Variants in CREB5 observed in about 807,000 individuals in gnomAD.
CREB5 encodes the protein cAMP responsive element binding protein 5.
In CREB5, 19 loss-of-function variants were observed where a neutral mutation model predicts 57.1. That is an observed-to-expected ratio of 0.33 (90% confidence interval 0.23 to 0.49). The LOEUF (loss-of-function observed/expected upper bound fraction) is 0.49. CREB5 is among the 20% of genes least tolerant of loss of function. The probability of loss-of-function intolerance (pLI) is 0.99; values close to 1 mark genes in which losing one functional copy is unlikely to be tolerated. For missense variants in CREB5, 579 were observed against 671.6 expected (o/e 0.86, Z 1.52); for synonymous variants, 238 against 238.3 (o/e 1.00, Z 0.01).
chr7:28,614,375 T>C (rs1797519168), intron 5 of CREB5, among the ~76,000 whole-genome samples: 2 of 152,226 alleles, frequency 1.3e-5, no homozygotes, highest in Admixed American at 1.3e-4. Context: ...TTTCAGAATG[T>C]CCTATAAATA....
At chr7:28,505,216 A>G (rs1792432871) in intron 3 of CREB5, among the ~76,000 whole-genome samples, 1 of 152,128 alleles carries the variant, frequency 6.6e-6, no homozygotes, top group African/African-American at 2.4e-5. Context: ...ACACACACAC[A>G]CATGCACACA....
chr7:28,724,551 A>G (rs1803232153), intron 7 of CREB5: 3 of 513,286 alleles, frequency 5.8e-6, no homozygotes, highest in Non-Finnish European at 7.0e-6. Context: ...AGTGGTATTA[A>G]TGAAAGGAAC....
intron 7 of CREB5, among the ~76,000 whole-genome samples, chr7:28,788,284 C>T (rs974676803): frequency 6.6e-6 from 1 of 152,114 alleles, no homozygotes; most frequent in Non-Finnish European, 1.5e-5. Flanking sequence ...AAAAGTGTCT[C>T]CAGATGTTGC....
chr7:28,775,118 A>G lies in CREB5; in HGVS notation c.703-29081A>G, dbSNP rs536799131. On this transcript the variant is annotated intron_variant, in intron 7 of 10. Coordinates refer to ENST00000357727, the MANE Select transcript of CREB5 (RefSeq NM_182898.4). Reference sequence around the variant, plus strand: ...TTCTGCATTTCAAAAATCTATAGGAAGCTGAAACCTAAAATACGTTGTGTG... The same window carrying G: ...TTCTGCATTTCAAAAATCTATAGGAGGCTGAAACCTAAAATACGTTGTGTG... Among the ~76,000 whole-genome samples the G allele has an allele frequency of 2.6e-5, 4 of 152,332 alleles. No individual in the cohort carries two copies. The South Asian group carries it at 8.3e-4, about 32-fold the overall frequency.
chr7:28,661,453 C>T (rs1156673970), intron 5 of CREB5, among the ~76,000 whole-genome samples: 1 of 151,426 alleles, frequency 6.6e-6, no homozygotes, highest in Non-Finnish European at 1.5e-5. Context: ...TCCCTGGAGC[C>T]CAGGCTCTAT....
chr7:28,573,922 C>T (rs1388922866), intron 5 of CREB5, among the ~76,000 whole-genome samples: 1 of 152,214 alleles, frequency 6.6e-6, no homozygotes, highest in African/African-American at 2.4e-5. Flanking sequence ...GCAATCCATA[C>T]CATGCCCTGC....
At chr7:28,501,973 A>G (rs1026058331) in intron 3 of CREB5, among the ~76,000 whole-genome samples, 3 of 152,156 alleles carry the variant, frequency 2.0e-5, no homozygotes, top group African/African-American at 7.2e-5. Flanking sequence ...ATCCCAGTAT[A>G]TGAGTCAAGA....
intron 7 of CREB5, among the ~76,000 whole-genome samples, chr7:28,763,505 C>T (rs1326409642): frequency 6.6e-6 from 1 of 152,182 alleles, no homozygotes; most frequent in Non-Finnish European, 1.5e-5. Context: ...CAGTTAAATA[C>T]TTTACCCTAA....
chr7:28,605,632 A>G (rs1028371853), intron 5 of CREB5, among the ~76,000 whole-genome samples: 2 of 152,164 alleles, frequency 1.3e-5, no homozygotes, highest in Admixed American at 1.3e-4. Flanking sequence ...TATTTTAACA[A>G]CTTTCTCAAA....
Position 28,718,767 on chromosome 7 carries a change from C to G in CREB5, c.479C>G (p.Ser160Cys). 1.2e-6 allele frequency: 2 copies of G among 1,614,044 alleles called. No homozygotes were observed. Among genetic ancestry groups the G allele is most frequent in the Non-Finnish European group, 8.5e-7 (1 of 1,179,946 alleles). The part of the protein sequence containing the change: ...TNRQIGPVPG[S>C]LSSLLHLHNR... ...CTTTGTCCCAGGCCTGTCCCAGGCT[C>G]TCTATCTTCTCTGCTACATCTCCAC... The change falls in exon 6 of 11, where the codon TCT becomes TGT. Residue 160 changes from serine (S) to cysteine (C), a missense_variant. Physicochemically the swap from Ser to Cys is moderately radical, Grantham distance 112. This residue lies in a region of CREB5 where 459 missense variants were observed against 515.7 expected (regional missense o/e 0.89). Transcript: ENST00000357727.
intron 7 of CREB5, 93 bp from the exon 8 acceptor site, chr7:28,804,106 G>A: frequency 8.6e-7 from 1 of 1,166,474 alleles, no homozygotes; most frequent in Non-Finnish European, 1.2e-6. Context: ...GTAAAATATA[G>A]AATTGAAAAT....
chr7:28,563,551 G>T (rs1383676221), intron 4 of CREB5, among the ~76,000 whole-genome samples: 1 of 151,926 alleles, frequency 6.6e-6, no homozygotes, highest in Non-Finnish European at 1.5e-5. Flanking sequence ...TGCGAGACAG[G>T]GTCTCACTCT....
At chr7:28,539,386 A>G (rs1794108545) in intron 4 of CREB5, among the ~76,000 whole-genome samples, 1 of 152,206 alleles carries the variant, frequency 6.6e-6, no homozygotes, top group Non-Finnish European at 1.5e-5. Flanking sequence ...CTATGTCTTA[A>G]ATATCACTTA....
At chr7:28,396,012 G>A (rs2127998751) in intron 1 of CREB5, among the ~76,000 whole-genome samples, 1 of 152,234 alleles carries the variant, frequency 6.6e-6, no homozygotes, top group Non-Finnish European at 1.5e-5. Context: ...AATTAAACTG[G>A]TTATTCTACA....
intron 5 of CREB5, among the ~76,000 whole-genome samples, chr7:28,622,641 A>G (rs1797848954): frequency 6.6e-6 from 1 of 152,146 alleles, no homozygotes; most frequent in Admixed American, 6.5e-5. Flanking sequence ...ACTGTTTTAG[A>G]GATGAAGAAA....
intron 5 of CREB5, among the ~76,000 whole-genome samples, chr7:28,685,606 G>T (rs1021713191): frequency 6.0e-5 from 9 of 150,902 alleles, no homozygotes; most frequent in African/African-American, 2.2e-4. Flanking sequence ...TTCACTCCCT[G>T]CTTCCCCATC....
chr7:28,669,791 T>TA (rs1799958312), intron 5 of CREB5, among the ~76,000 whole-genome samples: 1 of 152,170 alleles, frequency 6.6e-6, no homozygotes, highest in Non-Finnish European at 1.5e-5. Flanking sequence ...GTGTCAAGAA[T>TA]CTTTGTTGCT....
chr7:28,333,518 C>A (rs762995126), intron 1 of CREB5, among the ~76,000 whole-genome samples: 38 of 151,666 alleles, frequency 2.5e-4, no homozygotes, highest in Non-Finnish European at 5.4e-4. Flanking sequence ...TTTTTGGTAC[C>A]CATTAACCGT....
chr7:28,774,252 C>A (rs1806498693), intron 7 of CREB5, among the ~76,000 whole-genome samples: 2 of 152,164 alleles, frequency 1.3e-5, no homozygotes, highest in Admixed American at 1.3e-4. Flanking sequence ...ATGGCTACTG[C>A]AGGTAGTAGT....
Sources: gnomAD v4.1 joint callset for allele counts (sites outside exome capture counted in the v4.1 genomes callset) on GRCh38, gnomAD v4.1.1 for gene constraint, gnomAD v4.1.1 regional missense constraint, MANE v1.5 for transcripts, NCBI Gene and HGNC (gene_info 2026-07-23, HGNC 2026-07-21) for gene names.